ENTREP2: variants seen among roughly 807,000 people sequenced by gnomAD.
The protein encoded by ENTREP2 is protein ENTREP2.
chr15:29,591,053 A>G, the ENTREP2 span, among the ~76,000 whole-genome samples: 1 of 152,192 alleles, frequency 6.6e-6, no homozygotes, highest in African/African-American at 2.4e-5. Context: ...GTCAAACATT[A>G]TTAAATACAA....
chr15:29,137,166 T>A, the ENTREP2 span: 1 of 1,481,020 alleles, frequency 6.8e-7, no homozygotes, highest in South Asian at 1.4e-5. Context: ...GCAGGTGGGG[T>A]TGGCAGGATG....
chr15:29,536,772 A>G, the ENTREP2 span, among the ~76,000 whole-genome samples: 1 of 152,148 alleles, frequency 6.6e-6, no homozygotes, highest in Non-Finnish European at 1.5e-5. Context: ...GGAAATTTGG[A>G]CACACATACC....
chr15:29,543,180 CAGGAGGT>C, the ENTREP2 span, among the ~76,000 whole-genome samples: 1 of 152,162 alleles, frequency 6.6e-6, no homozygotes, highest in Admixed American at 6.5e-5. Flanking sequence ...TGATTTACAA[CAGGAGGT>C]AAGAGCAGGC....
At chr15:29,556,491 G>A in the ENTREP2 span, among the ~76,000 whole-genome samples, 2 of 152,214 alleles carry the variant, frequency 1.3e-5, no homozygotes, top group African/African-American at 4.8e-5. Context: ...AAGGAACAGA[G>A]AACATTTTTA....
chr15:29,656,317 G>A, the ENTREP2 span, among the ~76,000 whole-genome samples: 16 of 151,478 alleles, frequency 1.1e-4, no homozygotes, highest in South Asian at 2.1e-4. Flanking sequence ...CCTCCACCTC[G>A]CAGCTTTAAG....
the ENTREP2 span, among the ~76,000 whole-genome samples, chr15:29,465,051 C>G: frequency 6.6e-6 from 1 of 152,096 alleles, no homozygotes; most frequent in Admixed American, 6.5e-5. Context: ...AGAGGAGGAG[C>G]AGCCCCTTCA....
chr15:29,504,413 G>A, the ENTREP2 span, among the ~76,000 whole-genome samples: 1 of 152,324 alleles, frequency 6.6e-6, no homozygotes, highest in East Asian at 1.9e-4. Context: ...TTTGTGTGAT[G>A]TTTTGAAACA....
At chr15:29,587,046 C>T in the ENTREP2 span, among the ~76,000 whole-genome samples, 6 of 151,560 alleles carry the variant, frequency 4.0e-5, no homozygotes, top group African/African-American at 1.5e-4. Flanking sequence ...GGAGACATAC[C>T]CAGGCTAGGT....
At chr15:29,657,839 G>T in the ENTREP2 span, among the ~76,000 whole-genome samples, 1 of 152,156 alleles carries the variant, frequency 6.6e-6, no homozygotes, top group East Asian at 1.9e-4. Flanking sequence ...ATATATGTAT[G>T]AAATACTATC....
the ENTREP2 span, among the ~76,000 whole-genome samples, chr15:29,276,257 G>C: frequency 6.6e-6 from 1 of 152,200 alleles, no homozygotes; most frequent in Admixed American, 6.5e-5. Context: ...TTCAAGAAAT[G>C]CATCTTCCAG....
chr15:29,250,817 A>G, the ENTREP2 span, among the ~76,000 whole-genome samples: 3 of 152,216 alleles, frequency 2.0e-5, no homozygotes, highest in African/African-American at 7.2e-5. Flanking sequence ...ATGGGGATCC[A>G]GGTTGTGTCA....
At chr15:29,402,449 G>A in the ENTREP2 span, among the ~76,000 whole-genome samples, 1 of 152,074 alleles carries the variant, frequency 6.6e-6, no homozygotes, top group Non-Finnish European at 1.5e-5. Flanking sequence ...CCGAATAGCA[G>A]GGAATACAGG....
chr15:29,220,806 C>T, the ENTREP2 span, among the ~76,000 whole-genome samples: 4 of 151,184 alleles, frequency 2.6e-5, no homozygotes, highest in Non-Finnish European at 5.9e-5. Context: ...ATTCGTTGAC[C>T]TTTTAGGGAA....
the ENTREP2 span, among the ~76,000 whole-genome samples, chr15:29,254,820 G>A: frequency 7.2e-5 from 11 of 152,284 alleles, no homozygotes; most frequent in East Asian, 1.7e-3. Context: ...TCTCCAGCCT[G>A]GGTAACAAAG....
chr15:29,617,121 G>A, the ENTREP2 span, among the ~76,000 whole-genome samples: 1 of 152,146 alleles, frequency 6.6e-6, no homozygotes, highest in African/African-American at 2.4e-5. Context: ...TGGCTCATGT[G>A]ATTATGGAGG....
chr15:29,264,693 G>C, the ENTREP2 span, among the ~76,000 whole-genome samples: 3 of 152,262 alleles, frequency 2.0e-5, no homozygotes, highest in African/African-American at 7.2e-5. Context: ...CAATAGGAAG[G>C]AGACTAAAGA....
the ENTREP2 span, chr15:29,570,038 G>GC: frequency 7.9e-5 from 6 of 75,596 alleles, no homozygotes; most frequent in Admixed American, 1.1e-4. Context: ...CCCCTCCCCC[G>GC]CCCCCCCACC....
the ENTREP2 span, among the ~76,000 whole-genome samples, chr15:29,303,537 T>C: frequency 6.6e-6 from 1 of 152,226 alleles, no homozygotes; most frequent in East Asian, 1.9e-4. Context: ...TACACTGTCA[T>C]AGAGCTAAAT....
the ENTREP2 span, among the ~76,000 whole-genome samples, chr15:29,329,512 T>A: frequency 1.3e-5 from 2 of 152,062 alleles, no homozygotes; most frequent in East Asian, 1.9e-4. Flanking sequence ...GTCAGCTGAG[T>A]GAACCTAGAA....
Sources: gnomAD v4.1 joint callset for allele counts (sites outside exome capture counted in the v4.1 genomes callset) on GRCh38, gnomAD v4.1.1 for gene constraint, MANE v1.5 for transcripts, NCBI Gene and HGNC (gene_info 2026-07-23, HGNC 2026-07-21) for gene names.